The following BLTP1 variants were observed in gnomAD, a reference collection of about 807,000 sequenced individuals.
The protein encoded by BLTP1 is fragile site-associated protein.
chr4:122,355,524 G>A, the BLTP1 span, among the ~76,000 whole-genome samples: 1 of 149,302 alleles, frequency 6.7e-6, no homozygotes, highest in African/African-American at 2.4e-5. Context: ...CTTGACAACA[G>A]TGAGCTACTG....
the BLTP1 span, chr4:122,272,243 A>C: frequency 6.2e-7 from 1 of 1,613,426 alleles, no homozygotes; most frequent in Non-Finnish European, 8.5e-7. Context: ...GACTCAGAGG[A>C]AACGTAGCTT....
the BLTP1 span, chr4:122,349,644 T>C: frequency 6.3e-7 from 1 of 1,594,172 alleles, no homozygotes; most frequent in Non-Finnish European, 8.6e-7. This position sits in a 1 kb window ranked among gnomAD's most constrained non-coding sequence, Gnocchi z 4.5. Context: ...TGATAAAAGG[T>C]ATTTATTAAG....
At chr4:122,237,349 G>A in the BLTP1 span, 12 of 985,190 alleles carry the variant, frequency 1.2e-5, no homozygotes, top group African/African-American at 1.0e-4. Context: ...TGAAACAGTG[G>A]TGCTTCACTC....
the BLTP1 span, chr4:122,226,859 A>G: frequency 6.5e-7 from 1 of 1,547,774 alleles, no homozygotes; most frequent in South Asian, 1.2e-5. Flanking sequence ...TATGTTAGCA[A>G]TATTATAAAC....
At chr4:122,208,594 TA>T in the BLTP1 span, 47 of 975,290 alleles carry the variant, frequency 4.8e-5, no homozygotes, top group Non-Finnish European at 5.2e-5. Context: ...AAACTGAACT[TA>T]AAAAAAATAT....
the BLTP1 span, chr4:122,301,147 A>T: frequency 1.4e-6 from 1 of 691,780 alleles, no homozygotes; most frequent in African/African-American, 1.9e-5. Context: ...TATCTTTCAT[A>T]TATCTGTCTC....
chr4:122,243,081 A>G, the BLTP1 span: 3 of 1,610,878 alleles, frequency 1.9e-6, no homozygotes, highest in Non-Finnish European at 1.7e-6. Context: ...AAGTAAAAAT[A>G]TCATGCTTTT....
At chr4:122,329,607 T>G in the BLTP1 span, among the ~76,000 whole-genome samples, 1 of 151,668 alleles carries the variant, frequency 6.6e-6, no homozygotes, top group Non-Finnish European at 1.5e-5. Flanking sequence ...GATCTATATC[T>G]CTTTACTTTT....
chr4:122,220,980 T>C, the BLTP1 span: 2 of 485,722 alleles, frequency 4.1e-6, no homozygotes, highest in African/African-American at 4.2e-5. Flanking sequence ...TTTGAAAATG[T>C]ATTACATTTC....
At chr4:122,170,488 C>T in the BLTP1 span, 1 of 1,301,126 alleles carries the variant, frequency 7.7e-7, no homozygotes, top group South Asian at 1.9e-5. Flanking sequence ...GCATTCTCAT[C>T]ATTGAAGGAA....
the BLTP1 span, chr4:122,209,514 G>T: frequency 3.7e-6 from 1 of 271,558 alleles, no homozygotes; most frequent in Non-Finnish European, 5.6e-6. Flanking sequence ...GCATCATGGC[G>T]CATGCCTGTA....
the BLTP1 span, chr4:122,201,848 G>T: frequency 1.0e-6 from 1 of 982,730 alleles, no homozygotes; most frequent in African/African-American, 1.8e-5. Flanking sequence ...CCATCCATTT[G>T]TGCAACAGTT....
the BLTP1 span, chr4:122,226,870 A>AAGGG: frequency 6.7e-7 from 1 of 1,493,350 alleles, no homozygotes; most frequent in Non-Finnish European, 9.0e-7. Context: ...TATTATAAAC[A>AAGGG]TTTATGAATT....
At chr4:122,197,982 C>A in the BLTP1 span, 11 of 984,736 alleles carry the variant, frequency 1.1e-5, no homozygotes, top group Non-Finnish European at 1.2e-5. Context: ...TAGCAACTTA[C>A]CCACATTTAA....
At chr4:122,304,767 A>C in the BLTP1 span, 1 of 1,605,214 alleles carries the variant, frequency 6.2e-7, no homozygotes, top group Admixed American at 1.7e-5. Context: ...TTTAAGATTC[A>C]TTTTTTTCCT....
the BLTP1 span, among the ~76,000 whole-genome samples, chr4:122,346,260 T>C: frequency 6.6e-6 from 1 of 152,178 alleles, no homozygotes; most frequent in Non-Finnish European, 1.5e-5. Context: ...ACACAGCTAT[T>C]TGGTTTACAA....
the BLTP1 span, chr4:122,286,901 T>A: frequency 1.0e-5 from 9 of 885,256 alleles, no homozygotes; most frequent in East Asian, 2.6e-5. Context: ...ATAATTTGTT[T>A]TCACAGAAGA....
chr4:122,298,762 G>C, the BLTP1 span: 19 of 627,776 alleles, frequency 3.0e-5, no homozygotes, highest in South Asian at 1.3e-3. Context: ...GGAATGATTC[G>C]AACTGATACT....
chr4:122,213,984 A>G, the BLTP1 span, among the ~76,000 whole-genome samples: 2 of 152,294 alleles, frequency 1.3e-5, no homozygotes, highest in African/African-American at 4.8e-5. Context: ...AAATAACTGC[A>G]TGAAAGGGTA....
Sources: gnomAD v4.1 joint callset for allele counts (sites outside exome capture counted in the v4.1 genomes callset) on GRCh38, gnomAD v4.1.1 for gene constraint, Gnocchi (gnomAD v3.1) non-coding constraint, MANE v1.5 for transcripts, NCBI Gene and HGNC (gene_info 2026-07-23, HGNC 2026-07-21) for gene names.